Variants in SOX5 observed in about 807,000 individuals in gnomAD.
SOX5 encodes transcription factor SOX-5.
A neutral mutation model predicts 92.0 loss-of-function variants in SOX5; 9 were observed. The ratio of observed to expected loss-of-function variants is 0.10; its 90% confidence interval spans 0.06 to 0.17. The LOEUF is 0.17. Ranked by LOEUF, SOX5 falls within the 10% of genes least tolerant of loss-of-function variation. The pLI, the probability that SOX5 is intolerant of heterozygous loss-of-function variation, is 1.00. For synonymous variants in SOX5, 344 were observed against 336.3 expected, an observed-to-expected ratio of 1.02 and a Z score of -0.25; for missense variants, 642 against 944.5, an observed-to-expected ratio of 0.68 and a Z score of 4.20.
intron 4 of SOX5, among the ~76,000 whole-genome samples, chr12:24,002,672 T>G (rs1326504518): frequency 1.3e-5 from 2 of 151,510 alleles, no homozygotes; most frequent in African/African-American, 4.9e-5. Flanking sequence ...CAAAAATACT[T>G]TATAGGGAGT....
chr12:23,579,287 A>G (rs1014667516), intron 9 of SOX5, among the ~76,000 whole-genome samples: 4 of 152,200 alleles, frequency 2.6e-5, no homozygotes, highest in Admixed American at 1.3e-4. Flanking sequence ...CCAAGGACAT[A>G]ACAGAGGTTG....
In SOX5 at chr12:23,861,385, T is replaced by A. The variant is rs189157142; in HGVS notation, c.271-15192A>T. Among the ~76,000 whole-genome samples the A allele has an allele frequency of 3.1e-3, 466 of 152,322 alleles. 2 individuals carry two copies. The highest frequency in any genetic ancestry group is 0.011 in the African/African-American group (460 of 41,578). ...TTCCCATTAAGAAATTACTTTGTCA[T>A]GGAAACTTGATGAAGTTACATATTG... On this transcript the variant is annotated intron_variant, in intron 2 of 14. Coordinates refer to ENST00000451604, the MANE Select transcript of SOX5 (RefSeq NM_006940.6).
At chr12:23,804,684 T>A (rs976490840) in intron 3 of SOX5, among the ~76,000 whole-genome samples, 7 of 151,730 alleles carry the variant, frequency 4.6e-5, no homozygotes, top group Non-Finnish European at 1.0e-4. Context: ...TTAGTTGAAC[T>A]ATTCATCCCA....
chr12:23,684,484 C>T (rs1033023831), intron 6 of SOX5, among the ~76,000 whole-genome samples: 2 of 152,002 alleles, frequency 1.3e-5, no homozygotes, highest in African/African-American at 4.8e-5. Flanking sequence ...GGATCTCTCA[C>T]ATATCTGTCC....
intron 7 of SOX5, among the ~76,000 whole-genome samples, chr12:23,647,975 C>A (rs2138945400): frequency 6.6e-6 from 1 of 152,334 alleles, no homozygotes; most frequent in East Asian, 1.9e-4. Flanking sequence ...CTGTCTCGTG[C>A]AAGAGGCCTA....
intron 2 of SOX5, among the ~76,000 whole-genome samples, chr12:23,884,886 T>C (rs968367712): frequency 2.0e-5 from 3 of 152,250 alleles, no homozygotes; most frequent in Non-Finnish European, 2.9e-5. Context: ...TATTAATTAT[T>C]AGATATCTTA....
chr12:23,555,856 TAAAG>T (rs1471747423), intron 11 of SOX5, among the ~76,000 whole-genome samples: 1 of 151,522 alleles, frequency 6.6e-6, no homozygotes, highest in Non-Finnish European at 1.5e-5. Flanking sequence ...AGAAAAGAAA[TAAAG>T]AGAAAGAAAT....
At chr12:23,747,706 C>T (rs1306862892) in intron 4 of SOX5, among the ~76,000 whole-genome samples, 1 of 152,068 alleles carries the variant, frequency 6.6e-6, no homozygotes, top group Non-Finnish European at 1.5e-5. Flanking sequence ...GGTCTTGCCT[C>T]CATCTTCTAG....
chr12:24,040,092 C>T (rs575080457), intron 4 of SOX5, among the ~76,000 whole-genome samples: 3 of 152,132 alleles, frequency 2.0e-5, no homozygotes, highest in South Asian at 2.1e-4. Context: ...CTTTCATTGT[C>T]CTGGTTCAAT....
intron 1 of SOX5, among the ~76,000 whole-genome samples, chr12:24,485,534 T>A (rs973711731): frequency 6.6e-6 from 1 of 152,210 alleles, no homozygotes; most frequent in Non-Finnish European, 1.5e-5. Context: ...GCGTGGCAAC[T>A]ACTCTGTAAC....
At chr12:23,977,266 G>T (rs1949022635) in intron 4 of SOX5, among the ~76,000 whole-genome samples, 1 of 152,122 alleles carries the variant, frequency 6.6e-6, no homozygotes. Context: ...TTGGAATTTG[G>T]AGCATGCTAT....
chr12:23,833,288 T>A (rs953899379), intron 3 of SOX5, among the ~76,000 whole-genome samples: 1 of 151,900 alleles, frequency 6.6e-6, no homozygotes, highest in African/African-American at 2.4e-5. Context: ...GGAGAGGTTG[T>A]GGAGGGAAAG....
chr12:23,621,408 C>CA (rs1251766691), intron 8 of SOX5, among the ~76,000 whole-genome samples: 1 of 152,070 alleles, frequency 6.6e-6, no homozygotes, highest in Non-Finnish European at 1.5e-5. Flanking sequence ...TATAATGCTA[C>CA]ACAGAACTGT....
At chr12:23,711,336 T>C (rs1311784226) in intron 6 of SOX5, among the ~76,000 whole-genome samples, 1 of 152,194 alleles carries the variant, frequency 6.6e-6, no homozygotes, top group Non-Finnish European at 1.5e-5. Flanking sequence ...CAATTAACAT[T>C]TATCAAATAT....
intron 6 of SOX5, among the ~76,000 whole-genome samples, chr12:23,674,266 C>T (rs2085276241): frequency 6.6e-6 from 1 of 150,420 alleles, no homozygotes; most frequent in South Asian, 2.1e-4. Flanking sequence ...TATAAAAATG[C>T]TGATTCAGAT....
intron 7 of SOX5, among the ~76,000 whole-genome samples, chr12:23,649,414 C>A (rs1327160901): frequency 1.3e-5 from 2 of 151,952 alleles, no homozygotes; most frequent in Non-Finnish European, 1.5e-5. Context: ...GTAAAAAAAT[C>A]AGATAATGGA....
intron 1 of SOX5, among the ~76,000 whole-genome samples, chr12:23,921,414 A>G (rs1376206480): frequency 6.6e-6 from 1 of 151,764 alleles, no homozygotes; most frequent in Admixed American, 6.6e-5. Flanking sequence ...ATCCAAAGGG[A>G]CAATTTTACA....
chr12:24,406,685 T>A (rs1455942678), intron 1 of SOX5, among the ~76,000 whole-genome samples: 1 of 152,154 alleles, frequency 6.6e-6, no homozygotes, highest in East Asian at 1.9e-4. Context: ...ACATAAACAT[T>A]TCTGAATGTA....
At chr12:24,110,117 C>T (rs901026767) in intron 4 of SOX5, among the ~76,000 whole-genome samples, 3 of 152,170 alleles carry the variant, frequency 2.0e-5, no homozygotes, top group African/African-American at 7.2e-5. Context: ...CTACCACTTA[C>T]CAGTGGTCCC....
Sources: gnomAD v4.1 joint callset for allele counts (sites outside exome capture counted in the v4.1 genomes callset) on GRCh38, gnomAD v4.1.1 for gene constraint, MANE v1.5 for transcripts, NCBI Gene and HGNC (gene_info 2026-07-23, HGNC 2026-07-21) for gene names.